Variants in BANK1 observed in about 807,000 individuals in gnomAD.
BANK1 encodes the protein B cell scaffold protein with ankyrin repeats 1.
Under a neutral mutation model 94.5 loss-of-function variants are expected in BANK1, and 95 were observed. The observed-to-expected ratio is 1.00, with a 90% CI of 0.85 to 1.19. The LOEUF (loss-of-function observed/expected upper bound fraction) is 1.19, where lower values mean the gene tolerates loss of function less well. Among genes scored for constraint, BANK1 ranks in the 50% most tolerant of loss-of-function variants. The pLI, the probability that BANK1 is intolerant of heterozygous loss-of-function variation, is 0.00. For missense variants in BANK1, 987 were observed against 932.2 expected, an observed-to-expected ratio of 1.06 and a Z score of -0.77; for synonymous variants, 334 against 308.4, an observed-to-expected ratio of 1.08 and a Z score of -0.87.
At chr4:101,838,883 C>T (rs1417719971) in intron 2 of BANK1, among the ~76,000 whole-genome samples, 1 of 152,086 alleles carries the variant, frequency 6.6e-6, no homozygotes, top group Non-Finnish European at 1.5e-5. Flanking sequence ...CTTGTTCACA[C>T]GTATTTATGC....
intron 7 of BANK1, among the ~76,000 whole-genome samples, chr4:102,001,160 G>A (rs148587949): frequency 4.9e-4 from 75 of 152,350 alleles, no homozygotes; most frequent in Middle Eastern, 3.4e-3. Context: ...GAGCAACACT[G>A]AAGTCTATGT....
At chr4:101,942,247 T>C (rs1010780040) in intron 7 of BANK1, among the ~76,000 whole-genome samples, 7 of 151,906 alleles carry the variant, frequency 4.6e-5, no homozygotes, top group Admixed American at 4.6e-4. Context: ...CCATAAAATT[T>C]ATCTCACTTC....
intron 7 of BANK1, among the ~76,000 whole-genome samples, 186 bp downstream of exon 7, chr4:101,918,375 G>A (rs1274581824): frequency 6.6e-6 from 1 of 151,882 alleles, no homozygotes; most frequent in Non-Finnish European, 1.5e-5. Context: ...AATTCAAAAA[G>A]TCTACCCAAT....
intron 7 of BANK1, among the ~76,000 whole-genome samples, chr4:101,980,436 AT>A (rs201317169): frequency 2.5e-4 from 37 of 147,548 alleles, no homozygotes; most frequent in East Asian, 9.9e-4. Flanking sequence ...TATTTGAGTT[AT>A]TTTTTTTTTA....
chr4:101,790,856 AG>A lies in BANK1; in HGVS notation c.-23del. ...TAGCGCTCGGCGGGCAGCAGTGCGC[AG>A]GCCCCTCGGCTTCAACCGCCACAAT... On this transcript the variant is annotated 5_prime_UTR_variant, in exon 1 of 17. Coordinates refer to ENST00000322953, the MANE Select transcript of BANK1 (RefSeq NM_017935.5). 2 of 1,535,630 alleles carry A rather than the reference AG, an allele frequency of 1.3e-6. No homozygotes were observed. The highest frequency in any genetic ancestry group is 1.7e-6 in the Non-Finnish European group (2 of 1,145,280).
At chr4:101,899,028 A>T (rs980932653) in intron 6 of BANK1, among the ~76,000 whole-genome samples, 1 of 152,102 alleles carries the variant, frequency 6.6e-6, no homozygotes, top group Non-Finnish European at 1.5e-5. Flanking sequence ...GAGATTTTAT[A>T]AGAAATCTTT....
rs142036039 is a variant in BANK1, at chr4:101,864,112, TAATA to T, written c.763+1459_763+1462del. ...TCTTCATGATTAAACAACAAATCTGTAATAAATAAATAAACCACTGTTTACCAAC... is the reference window on the plus strand; with the variant it reads ...TCTTCATGATTAAACAACAAATCTGTAATAAATAAACCACTGTTTACCAAC... On this transcript the variant is annotated intron_variant, in intron 4 of 16. Coordinates refer to ENST00000322953, the MANE Select transcript of BANK1 (RefSeq NM_017935.5). Among the ~76,000 whole-genome samples, 13 of 152,336 alleles carry T rather than the reference TAATA, an allele frequency of 8.5e-5. No individual in the cohort carries two copies. The South Asian group carries it at 1.9e-3, about 22-fold the overall frequency.
At chr4:101,993,733 G>A (rs1254605348) in intron 7 of BANK1, among the ~76,000 whole-genome samples, 1 of 152,160 alleles carries the variant, frequency 6.6e-6, no homozygotes, top group East Asian at 1.9e-4. Context: ...TTTGATTACG[G>A]AGAATATTCC....
At chr4:101,862,501 A>G in intron 3 of BANK1, 25 bp from the exon 4 acceptor site, 1 of 1,580,928 alleles carries the variant, frequency 6.3e-7, no homozygotes, top group Non-Finnish European at 8.6e-7. Context: ...CAAATGCTTA[A>G]ATGGGTTACA....
At chr4:102,069,652 G>A (rs919435081) in intron 13 of BANK1, among the ~76,000 whole-genome samples, 3 of 152,152 alleles carry the variant, frequency 2.0e-5, no homozygotes, top group Admixed American at 6.5e-5. Context: ...ACAAAAGTTC[G>A]TGGCAGTTTC....
intron 1 of BANK1, among the ~76,000 whole-genome samples, chr4:101,796,171 G>A (rs898502274): frequency 1.1e-4 from 16 of 152,168 alleles, no homozygotes; most frequent in Admixed American, 2.0e-4. Context: ...TGAAAAAACT[G>A]AGGAGACCGA....
chr4:102,007,101 A>AAAATATATATT (rs1560682042), intron 7 of BANK1, among the ~76,000 whole-genome samples: 1 of 66,760 alleles, frequency 1.5e-5, no homozygotes, highest in Non-Finnish European at 3.3e-5. Flanking sequence ...TAATATATTT[A>AAAATATATATT]TATATATATA....
intron 7 of BANK1, among the ~76,000 whole-genome samples, chr4:101,973,123 A>G (rs532761320): frequency 2.0e-5 from 3 of 152,036 alleles, no homozygotes; most frequent in Admixed American, 6.6e-5. Flanking sequence ...TACATTCCAA[A>G]TTTTCTAAGA....
At chr4:101,804,477 C>T (rs553695125) in intron 1 of BANK1, among the ~76,000 whole-genome samples, 29 of 152,186 alleles carry the variant, frequency 1.9e-4, no homozygotes, top group African/African-American at 7.0e-4. Flanking sequence ...CCATGGGACT[C>T]ATGGGAAGTA....
intron 4 of BANK1, among the ~76,000 whole-genome samples, chr4:101,863,916 G>A (rs1045312528): frequency 4.6e-5 from 7 of 152,158 alleles, no homozygotes; most frequent in African/African-American, 1.4e-4. Context: ...TTCCCAAATA[G>A]CAGATCAAGA....
chr4:101,884,221 C>CA (rs922553789), intron 5 of BANK1, among the ~76,000 whole-genome samples: 11 of 152,136 alleles, frequency 7.2e-5, no homozygotes, highest in African/African-American at 2.4e-4. Flanking sequence ...CCTTAGGTAG[C>CA]AAAACACAAA....
In BANK1 at chr4:101,893,226, C is replaced by G. The variant is rs186390475; in HGVS notation, c.904-2079C>G. ...TCTCTCATTAAAGTGCTGTGGTACC[C>G]TCCATGAGAAATGGTAGTTTTCATA... is the stretch of plus-strand genomic sequence containing the variant. On this transcript the variant is annotated intron_variant, in intron 5 of 16. Transcript: ENST00000322953. 1.1e-3 allele frequency among the ~76,000 whole-genome samples: 167 copies of G among 152,066 alleles called. 1 individual carries two copies. The highest frequency in any genetic ancestry group is 1.7e-3 in the Non-Finnish European group (113 of 67,896).
chr4:101,923,878 A>G (rs1287180382), intron 7 of BANK1, among the ~76,000 whole-genome samples: 11 of 151,818 alleles, frequency 7.2e-5, no homozygotes, highest in Non-Finnish European at 1.6e-4. Context: ...CTATTAAAAG[A>G]AAACTTAACA....
At chr4:101,979,491 A>G (rs571054956) in intron 7 of BANK1, among the ~76,000 whole-genome samples, 1 of 152,026 alleles carries the variant, frequency 6.6e-6, no homozygotes, top group East Asian at 1.9e-4. Context: ...GTCAATATTC[A>G]ACATTTTTTT....
Sources: allele counts gnomAD v4.1 joint callset (sites outside exome capture counted in the v4.1 genomes callset), GRCh38; gene constraint gnomAD v4.1.1; transcripts MANE v1.5; gene names NCBI Gene and HGNC (gene_info 2026-07-23, HGNC 2026-07-21).